Variants in MACROD2 observed in about 807,000 individuals in gnomAD.
MACROD2 encodes ADP-ribose glycohydrolase MACROD2.
A neutral mutation model predicts 70.4 loss-of-function variants in MACROD2; 36 were observed. The ratio of observed to expected loss-of-function variants is 0.51; its 90% CI spans 0.39 to 0.68. The LOEUF (loss-of-function observed/expected upper bound fraction) is 0.68, where lower values mean the gene tolerates loss of function less well. MACROD2 is among the 30% of genes least tolerant of loss of function. MACROD2 has a pLI of 0.00. For synonymous variants in MACROD2, 172 were observed against 178.8 expected (o/e 0.96, Z 0.30); for missense variants, 496 against 538.4 (o/e 0.92, Z 0.78).
intron 8 of MACROD2, among the ~76,000 whole-genome samples, chr20:15,858,834 A>G (rs1395709291): frequency 1.3e-5 from 2 of 152,196 alleles, no homozygotes; most frequent in African/African-American, 4.8e-5. Flanking sequence ...ACAAAGTTAT[A>G]CAGCATCATT....
intron 6 of MACROD2, among the ~76,000 whole-genome samples, chr20:15,238,259 T>C (rs774253258): frequency 1.8e-4 from 28 of 152,178 alleles, no homozygotes; most frequent in Non-Finnish European, 3.7e-4. Context: ...ATAGATGTCA[T>C]AAAAATGGTA....
intron 4 of MACROD2, among the ~76,000 whole-genome samples, chr20:14,545,789 A>G (rs1387185871): frequency 2.0e-5 from 3 of 152,292 alleles, no homozygotes; most frequent in Admixed American, 6.5e-5. Context: ...TCAGGTAACT[A>G]TTATCTCTGG....
chr20:14,961,831 A>T (rs1304450305), intron 5 of MACROD2, among the ~76,000 whole-genome samples: 1 of 152,214 alleles, frequency 6.6e-6, no homozygotes, highest in Non-Finnish European at 1.5e-5. Flanking sequence ...GAGTTTAAAA[A>T]ATATACACCT....
Position 14,360,197 on chromosome 20 carries a change from G to A in MACROD2, c.272-133282G>A, listed in dbSNP as rs556194788. ...GAGGAATAAGTTCAAGAGATCTATT[G>A]TACTGTGTGGTGACTATAGCTAAAT... On this transcript the variant is annotated intron_variant, in intron 3 of 17. Transcript: ENST00000684519. Among the ~76,000 whole-genome samples, 384 of 152,220 alleles carry A rather than the reference G, an allele frequency of 2.5e-3. 2 individuals are homozygous for A. The highest frequency in any genetic ancestry group is 4.1e-3 in the Non-Finnish European group (277 of 68,012).
At chr20:15,551,111 G>T (rs921240990) in intron 8 of MACROD2, among the ~76,000 whole-genome samples, 1 of 151,938 alleles carries the variant, frequency 6.6e-6, no homozygotes, top group Admixed American at 6.6e-5. Flanking sequence ...GCAATGTGAA[G>T]CCAGGGAGGG....
At chr20:14,862,029 T>A (rs867239051) in intron 5 of MACROD2, among the ~76,000 whole-genome samples, 279 of 16,960 alleles carry the variant, frequency 0.016, 14 homozygotes, top group Non-Finnish European at 0.023. Context: ...TTATATATAT[T>A]TATATATATT....
chr20:14,917,278 T>C (rs976842118), intron 5 of MACROD2, among the ~76,000 whole-genome samples: 2 of 151,872 alleles, frequency 1.3e-5, no homozygotes, highest in South Asian at 4.2e-4. Flanking sequence ...TTCTTCCATG[T>C]ATTTAAGCTC....
intron 10 of MACROD2, among the ~76,000 whole-genome samples, chr20:15,897,760 A>C (rs936409367): frequency 1.3e-5 from 2 of 152,148 alleles, no homozygotes; most frequent in Non-Finnish European, 2.9e-5. Context: ...ATTAACACAT[A>C]AAATACCTTT....
At chr20:15,342,016 T>C (rs1423612492) in intron 6 of MACROD2, among the ~76,000 whole-genome samples, 1 of 152,056 alleles carries the variant, frequency 6.6e-6, no homozygotes, top group Non-Finnish European at 1.5e-5. Flanking sequence ...ATCACACCAC[T>C]GTACTTCAGC....
At chr20:14,502,539 TA>T (rs1278200055) in intron 4 of MACROD2, among the ~76,000 whole-genome samples, 1 of 152,218 alleles carries the variant, frequency 6.6e-6, no homozygotes, top group Non-Finnish European at 1.5e-5. Flanking sequence ...TAATGGTACC[TA>T]ACTACTTTAC....
At chr20:15,838,868 A>C (rs2064141677) in intron 8 of MACROD2, among the ~76,000 whole-genome samples, 1 of 117,886 alleles carries the variant, frequency 8.5e-6, no homozygotes. Flanking sequence ...TATAAAAATA[A>C]GAATGATTTC....
intron 6 of MACROD2, among the ~76,000 whole-genome samples, chr20:15,405,712 C>T (rs927984505): frequency 1.3e-5 from 2 of 152,196 alleles, no homozygotes; most frequent in African/African-American, 4.8e-5. Flanking sequence ...GCCATTGCCC[C>T]AGAGAAATCT....
chr20:15,823,316 G>GTA (rs1555783873), intron 8 of MACROD2, among the ~76,000 whole-genome samples: 8,526 of 148,040 alleles, frequency 0.058, 534 homozygotes, highest in African/African-American at 0.14. Context: ...GTGTGTGTGT[G>GTA]TGTGTCTATA....
chr20:14,349,748 C>T (rs917211037), intron 3 of MACROD2, among the ~76,000 whole-genome samples: 1 of 149,958 alleles, frequency 6.7e-6, no homozygotes, highest in Admixed American at 6.6e-5. Context: ...TGGCTTATTT[C>T]ATGTAATATA....
intron 5 of MACROD2, among the ~76,000 whole-genome samples, chr20:14,828,032 T>C (rs1343923519): frequency 6.6e-6 from 1 of 152,066 alleles, no homozygotes; most frequent in African/African-American, 2.4e-5. Flanking sequence ...CATTCATTGG[T>C]AAAGTTCGGG....
At chr20:14,879,094 T>G (rs2073582874) in intron 5 of MACROD2, among the ~76,000 whole-genome samples, 1 of 152,158 alleles carries the variant, frequency 6.6e-6, no homozygotes, top group East Asian at 1.9e-4. Flanking sequence ...AAATGGACTG[T>G]GAGCTCCGTA....
At chr20:15,374,581 T>A (rs911086214) in intron 6 of MACROD2, among the ~76,000 whole-genome samples, 5 of 152,182 alleles carry the variant, frequency 3.3e-5, no homozygotes, top group African/African-American at 1.2e-4. Flanking sequence ...TTTTTTGTTA[T>A]ACAGTTGTGT....
At chr20:15,105,069 G>A (rs2075900774) in intron 5 of MACROD2, among the ~76,000 whole-genome samples, 1 of 152,068 alleles carries the variant, frequency 6.6e-6, no homozygotes, top group Non-Finnish European at 1.5e-5. Flanking sequence ...CAACATATAA[G>A]TATTATATAA....
intron 3 of MACROD2, among the ~76,000 whole-genome samples, chr20:14,399,804 G>T (rs1220696877): frequency 6.6e-6 from 1 of 151,998 alleles, no homozygotes; most frequent in African/African-American, 2.4e-5. Flanking sequence ...GATAGTTTCT[G>T]TTGTTGTGTT....
Sources: gnomAD v4.1 joint callset for allele counts (sites outside exome capture counted in the v4.1 genomes callset) on GRCh38, gnomAD v4.1.1 for gene constraint, MANE v1.5 for transcripts, NCBI Gene and HGNC (gene_info 2026-07-23, HGNC 2026-07-21) for gene names.